MON2: variants seen among roughly 807,000 people sequenced by gnomAD.
MON2 encodes protein MON2 homolog.
In MON2, 84 loss-of-function variants were observed where a neutral mutation model predicts 208.6. The observed-to-expected ratio is 0.40, with a 90% CI of 0.34 to 0.48. The LOEUF is 0.48. Among genes scored for constraint, MON2 ranks in the 20% least tolerant of loss-of-function variants. MON2 has a pLI of 0.59. For missense variants in MON2, 1,611 were observed against 2,015.4 expected, an observed-to-expected ratio of 0.80 and a Z score of 3.84; for synonymous variants, 660 against 694.0, an observed-to-expected ratio of 0.95 and a Z score of 0.77.
chr12:62,559,159 C>CT (rs869257681), intron 25 of MON2, among the ~76,000 whole-genome samples: 1 of 152,070 alleles, frequency 6.6e-6, no homozygotes, highest in Non-Finnish European at 1.5e-5. Flanking sequence ...GGGTTTATCC[C>CT]TTTTTTAAAA....
intron 21 of MON2, among the ~76,000 whole-genome samples, chr12:62,545,992 A>G (rs573699754): frequency 6.6e-6 from 1 of 152,314 alleles, no homozygotes; most frequent in South Asian, 2.1e-4. Context: ...AACCAAATAA[A>G]TGAATCCCCT....
intron 1 of MON2, among the ~76,000 whole-genome samples, chr12:62,471,770 C>T (rs377198375): frequency 6.6e-6 from 1 of 152,196 alleles, no homozygotes; most frequent in African/African-American, 2.4e-5. Context: ...AGGTAAAACT[C>T]GTTAGAGGAA....
chr12:62,523,164 C>A (rs1261006616), intron 8 of MON2, among the ~76,000 whole-genome samples: 1 of 152,122 alleles, frequency 6.6e-6, no homozygotes, highest in Non-Finnish European at 1.5e-5. Flanking sequence ...GAGCTGTTGT[C>A]CAATGAGTCA....
In MON2 at chr12:62,594,718, T is replaced by C. The variant is rs1176569416; in HGVS notation, c.*1969T>C. 1.3e-5 allele frequency: 2 copies of C among 152,264 alleles called. No homozygotes were observed. Among genetic ancestry groups the C allele is most frequent in the Non-Finnish European group, 1.5e-5 (1 of 68,044 alleles). The allele number at this position is 152,264 out of a possible 1,614,324, so 9.4% of individuals were successfully genotyped here. A position where few individuals can be genotyped will look rare whatever the true frequency, so the allele number is the denominator to read the frequency against. ...AAATATGAGTCAAGTGTATGCAATA[T>C]ACATTTATATGAACCAAAGCTTGCT... is the stretch of plus-strand genomic sequence containing the variant. On this transcript the variant is annotated 3_prime_UTR_variant, in exon 35 of 35. Coordinates refer to ENST00000393630, the MANE Select transcript of MON2 (RefSeq NM_015026.3).
chr12:62,548,774 A>T (rs2073611416), intron 22 of MON2, among the ~76,000 whole-genome samples: 1 of 152,178 alleles, frequency 6.6e-6, no homozygotes, highest in Non-Finnish European at 1.5e-5. Flanking sequence ...TAGCAATTAT[A>T]CTTATCATTT....
intron 8 of MON2, among the ~76,000 whole-genome samples, chr12:62,519,592 G>A (rs1253174380): frequency 6.6e-6 from 1 of 151,992 alleles, no homozygotes; most frequent in African/African-American, 2.4e-5. Context: ...ATTATTTTAC[G>A]TTTTCCAAAT....
chr12:62,473,654 C>CT lies in MON2; in HGVS notation c.111+6337dup, dbSNP rs550133741. 6.7e-4 allele frequency among the ~76,000 whole-genome samples: 102 copies of CT among 152,246 alleles called. No homozygotes were observed. In the South Asian group the frequency reaches 1.0e-2, roughly 15 times the overall value. On this transcript the variant is annotated intron_variant, in intron 1 of 34. Transcript: ENST00000393630. Reference sequence around the variant, plus strand: ...GGGCTATCTTGGCTCACTGCAGCCTCTGTCTCCCAGGCTCAAATGATCCTC... The same window carrying CT: ...GGGCTATCTTGGCTCACTGCAGCCTCTTGTCTCCCAGGCTCAAATGATCCTC...
intron 11 of MON2, among the ~76,000 whole-genome samples, chr12:62,531,471 A>G (rs1046479382): frequency 1.3e-5 from 2 of 152,150 alleles, no homozygotes; most frequent in African/African-American, 2.4e-5. Flanking sequence ...TTCTTTGTCA[A>G]TTGAATTACT....
chr12:62,499,931 A>T (rs1390159100), intron 5 of MON2, among the ~76,000 whole-genome samples: 2 of 152,042 alleles, frequency 1.3e-5, no homozygotes, highest in African/African-American at 2.4e-5. Flanking sequence ...GAATATTTCC[A>T]CTTTGGTATA....
At chr12:62,484,380 A>G (rs1167912752) in intron 2 of MON2, 147 bp downstream of exon 2, 4 of 584,960 alleles carry the variant, frequency 6.8e-6, no homozygotes, top group African/African-American at 1.9e-5. Context: ...AGAATGGGCA[A>G]AAGTCCATAA....
intron 33 of MON2, among the ~76,000 whole-genome samples, chr12:62,587,622 A>G (rs1023336167): frequency 5.3e-5 from 8 of 151,664 alleles, no homozygotes; most frequent in African/African-American, 1.9e-4. Context: ...ATGCCCCTGT[A>G]GTCCCAGCTA....
chr12:62,539,147 A>G (rs996968076), intron 19 of MON2, among the ~76,000 whole-genome samples: 2 of 152,230 alleles, frequency 1.3e-5, no homozygotes, highest in African/African-American at 4.8e-5. Context: ...TAAAATCAAT[A>G]AATATAGTTT....
In MON2 at chr12:62,537,633, C is replaced by CT. The variant is rs1565660215; in HGVS notation, c.2048dup (p.Leu683PhefsTer3). On this transcript the variant is annotated frameshift_variant, in exon 16 of 35. Transcript: ENST00000393630. LOFTEE classifies it high-confidence loss of function. ...TCCAAAAATATCCAGTGTATGAGGA[C>CT]TTTACTTAACTTGGCGCATTGCCAT... 6.2e-7 allele frequency: 1 copy of CT among 1,612,916 alleles called. No homozygotes were observed. Among genetic ancestry groups the CT allele is most frequent in the South Asian group, 1.1e-5 (1 of 90,846 alleles).
chr12:62,528,407 T>C (rs1212307093), intron 11 of MON2, among the ~76,000 whole-genome samples: 1 of 152,204 alleles, frequency 6.6e-6, no homozygotes, highest in Non-Finnish European at 1.5e-5. Flanking sequence ...ACACTACAGA[T>C]CCCTTCAAAG....
rs539244524 is a variant in MON2, at chr12:62,469,400, A to G, written c.111+2082A>G. ...TTTTACTTGAACACTGGCTAGAGAG[A>G]TATTTTGTAATTGCACCTAGTCTTT... On this transcript the variant is annotated intron_variant, in intron 1 of 34. Coordinates refer to ENST00000393630, the MANE Select transcript of MON2 (RefSeq NM_015026.3). Among the ~76,000 whole-genome samples the G allele has an allele frequency of 2.0e-5, 3 of 152,274 alleles. No homozygotes were observed. The South Asian group carries it at 6.2e-4, about 32-fold the overall frequency.
intron 30 of MON2, 68 bp from the exon 31 acceptor site, chr12:62,578,376 GT>G: frequency 9.7e-7 from 1 of 1,028,152 alleles, no homozygotes; most frequent in East Asian, 2.8e-5. Flanking sequence ...TTTGAATACT[GT>G]TTTTCTATTT....
chr12:62,480,338 C>T (rs755246974), intron 1 of MON2, among the ~76,000 whole-genome samples: 8 of 152,076 alleles, frequency 5.3e-5, no homozygotes, highest in East Asian at 1.9e-4. Flanking sequence ...ACAGGGGAAT[C>T]GCTTGAGTCC....
chr12:62,470,738 G>A (rs2068753260), intron 1 of MON2: 1 of 1,148,956 alleles, frequency 8.7e-7, no homozygotes, highest in East Asian at 7.9e-5. Flanking sequence ...CTGGAAGTTG[G>A]AGGAGGGGAG....
intron 19 of MON2, among the ~76,000 whole-genome samples, chr12:62,540,401 A>G (rs2073181838): frequency 6.6e-6 from 1 of 152,210 alleles, no homozygotes; most frequent in Admixed American, 6.5e-5. Context: ...TTCTATTAAG[A>G]TGAATTAAGA....
Sources: gnomAD v4.1 joint callset for allele counts (sites outside exome capture counted in the v4.1 genomes callset) on GRCh38, gnomAD v4.1.1 for gene constraint, MANE v1.5 for transcripts, NCBI Gene and HGNC (gene_info 2026-07-23, HGNC 2026-07-21) for gene names.